SVOPL: variants seen among roughly 807,000 people sequenced by gnomAD.
SVOPL encodes putative transporter SVOPL.
A neutral mutation model predicts 61.0 loss-of-function variants in SVOPL; 60 were observed. The ratio of observed to expected loss-of-function variants is 0.98; its 90% CI spans 0.80 to 1.22. The LOEUF (loss-of-function observed/expected upper bound fraction) is 1.22. SVOPL is among the 50% of genes most tolerant of loss of function. The probability of loss-of-function intolerance (pLI) is 0.00; values close to 1 mark genes in which losing one functional copy is unlikely to be tolerated. For synonymous variants in SVOPL, 279 were observed against 250.0 expected (o/e 1.12, Z -1.09); for missense variants, 662 against 643.9 (o/e 1.03, Z -0.30).
At chr7:138,685,367 T>C (rs1802784271) in intron 1 of SVOPL, among the ~76,000 whole-genome samples, 1 of 152,200 alleles carries the variant, frequency 6.6e-6, no homozygotes, top group South Asian at 2.1e-4. Flanking sequence ...ATCATTTACA[T>C]GACGAATCTA....
chr7:138,700,891 T>G (rs2117155748), intron 1 of SVOPL, among the ~76,000 whole-genome samples: 1 of 152,304 alleles, frequency 6.6e-6, no homozygotes, highest in South Asian at 2.1e-4. Context: ...TGAACTCAGA[T>G]GGAGTTCAAG....
chr7:138,650,644 C>A (rs368244107), intron 7 of SVOPL, among the ~76,000 whole-genome samples: 1 of 139,580 alleles, frequency 7.2e-6, no homozygotes, highest in East Asian at 2.2e-4. Flanking sequence ...ACTCCATCTC[C>A]ACAAAAAAAA....
At chr7:138,691,738 G>A (rs899057003) in intron 1 of SVOPL, among the ~76,000 whole-genome samples, 10 of 150,006 alleles carry the variant, frequency 6.7e-5, no homozygotes, top group Admixed American at 2.0e-4. Flanking sequence ...ACGGGGTTTC[G>A]CCACGTTGGC....
intron 6 of SVOPL, among the ~76,000 whole-genome samples, chr7:138,658,293 C>CT (rs1686097508): frequency 6.6e-6 from 1 of 152,112 alleles, no homozygotes; most frequent in Non-Finnish European, 1.5e-5. Context: ...ATTCCCCCCC[C>CT]TCCCTTTTAC....
At chr7:138,659,492 GAAA>G (rs11295502) in intron 6 of SVOPL, among the ~76,000 whole-genome samples, 2 of 140,104 alleles carry the variant, frequency 1.4e-5, no homozygotes, top group Non-Finnish European at 1.6e-5. Context: ...ACTCTATCTC[GAAA>G]AAAAAAAAAA....
chr7:138,616,692 A>G (rs1288060213), intron 14 of SVOPL, among the ~76,000 whole-genome samples: 2 of 152,196 alleles, frequency 1.3e-5, no homozygotes, highest in Non-Finnish European at 2.9e-5. Context: ...CTTGGACTAC[A>G]TACTCATGAC....
intron 1 of SVOPL, among the ~76,000 whole-genome samples, chr7:138,693,545 GAAAGAAAGAAA>G (rs1382145453): frequency 6.4e-5 from 4 of 62,580 alleles, no homozygotes; most frequent in African/African-American, 2.8e-4. Flanking sequence ...AAGAAAGAAA[GAAAGAAAGAAA>G]GAAAGAAAGA....
chr7:138,662,498 T>G, intron 5 of SVOPL: 1 of 985,550 alleles, frequency 1.0e-6, no homozygotes, highest in Non-Finnish European at 1.2e-6. Context: ...AAAGAACAGC[T>G]TCTTCTGAGC....
At chr7:138,686,736 G>T (rs1220116543) in intron 1 of SVOPL, among the ~76,000 whole-genome samples, 1 of 151,784 alleles carries the variant, frequency 6.6e-6, no homozygotes, top group African/African-American at 2.4e-5. Context: ...GGCTAATTTT[G>T]TATTTTTAGT....
chr7:138,660,043 A>C (rs995902584), intron 5 of SVOPL, 55 bp from the exon 6 acceptor site: 1 of 1,544,136 alleles, frequency 6.5e-7, no homozygotes, highest in Non-Finnish European at 8.8e-7. Context: ...GGGAGGGAAG[A>C]AGCCCTAACT....
rs1554457369 is a variant in SVOPL at position 138,622,294 on chromosome 7, C to CTATCTATCTATCTATG, written c.1264-1160_1264-1159insCATAGATAGATAGATA. On this transcript the variant is annotated intron_variant, in intron 13 of 15. Transcript: ENST00000674285. Reference sequence around the variant, plus strand: ...TGTATCTATCTATCTATCTATCTATCTATCTATCTATCTATCTATCGACAG... The same window carrying CTATCTATCTATCTATG: ...TGTATCTATCTATCTATCTATCTATCTATCTATCTATCTATGTATCTATCTATCTATCTATCGACAG... Among the ~76,000 whole-genome samples, 326 of 103,018 alleles carry CTATCTATCTATCTATG rather than the reference C, an allele frequency of 3.2e-3. 29 individuals carry two copies. The highest frequency in any genetic ancestry group is 0.011 in the African/African-American group (295 of 27,166). 67.6% of individuals were successfully genotyped at this position (103,018 alleles called of 152,430 possible).
intron 14 of SVOPL, among the ~76,000 whole-genome samples, chr7:138,613,831 C>T (rs1171576520): frequency 2.6e-5 from 4 of 152,170 alleles, no homozygotes; most frequent in Admixed American, 2.6e-4. Flanking sequence ...CCCTGACTTA[C>T]ATCATTTGTC....
chr7:138,688,179 A>T (rs1802861552), intron 1 of SVOPL, among the ~76,000 whole-genome samples: 1 of 152,224 alleles, frequency 6.6e-6, no homozygotes, highest in South Asian at 2.1e-4. Context: ...CAATGAGCAC[A>T]TGAAAAGAGA....
At chr7:138,612,449 A>AAAAAAAAAAAAAAAAAAAAAT (rs1799092927) in intron 14 of SVOPL, among the ~76,000 whole-genome samples, 1 of 37,240 alleles carries the variant, frequency 2.7e-5, no homozygotes, top group African/African-American at 1.1e-4. Context: ...AAAAAAAATA[A>AAAAAAAAAAAAAAAAAAAAAT]AAAAAAAAAA....
chr7:138,660,399 T>C (rs1801952369), intron 5 of SVOPL: 12 of 985,668 alleles, frequency 1.2e-5, no homozygotes, highest in Non-Finnish European at 1.4e-5. Flanking sequence ...TAGTAAACAA[T>C]ACAGAAGAAA....
At chr7:138,692,895 G>C (rs1408797383) in intron 1 of SVOPL, among the ~76,000 whole-genome samples, 1 of 152,100 alleles carries the variant, frequency 6.6e-6, no homozygotes, top group East Asian at 1.9e-4. Flanking sequence ...ATATAACAAA[G>C]GTGAGAGTTG....
At chr7:138,611,910 T>G (rs1403019602) in intron 14 of SVOPL, among the ~76,000 whole-genome samples, 6 of 48,330 alleles carry the variant, frequency 1.2e-4, no homozygotes, top group African/African-American at 1.4e-4. Context: ...AACAGCTCAT[T>G]GAGAACGGGC....
chr7:138,597,936 G>A (rs2116734118), intron 14 of SVOPL, among the ~76,000 whole-genome samples: 1 of 152,276 alleles, frequency 6.6e-6, no homozygotes, highest in Admixed American at 6.5e-5. Flanking sequence ...ACCTAACTGT[G>A]CTCCAGCAGC....
At chr7:138,630,539 G>T in intron 9 of SVOPL, among the ~76,000 whole-genome samples, 1 of 152,118 alleles carries the variant, frequency 6.6e-6, no homozygotes. Context: ...AGAAAACAAC[G>T]GCATAAAGTT....
Sources: gnomAD v4.1 joint callset for allele counts (sites outside exome capture counted in the v4.1 genomes callset) on GRCh38, gnomAD v4.1.1 for gene constraint, MANE v1.5 for transcripts, NCBI Gene and HGNC (gene_info 2026-07-23, HGNC 2026-07-21) for gene names.